FSTL5: variants seen among roughly 807,000 people sequenced by gnomAD.
FSTL5 encodes the protein follistatin like 5.
A neutral mutation model predicts 89.1 loss-of-function variants in FSTL5; 62 were observed. The ratio of observed to expected loss-of-function variants is 0.70; its 90% CI spans 0.57 to 0.86. The LOEUF (loss-of-function observed/expected upper bound fraction) is 0.86, where lower values mean the gene tolerates loss of function less well. Among genes scored for constraint, FSTL5 ranks in the 40% least tolerant of loss-of-function variants. The pLI is 0.00. For missense variants in FSTL5, 1,057 were observed against 1,001.6 expected, an observed-to-expected ratio of 1.06 and a Z score of -0.75; for synonymous variants, 383 against 346.2, an observed-to-expected ratio of 1.11 and a Z score of -1.18.
chr4:161,792,630 C>T (rs1009376123), intron 4 of FSTL5, among the ~76,000 whole-genome samples: 5 of 152,068 alleles, frequency 3.3e-5, no homozygotes, highest in Non-Finnish European at 5.9e-5. Context: ...GAAGGGAGGC[C>T]GGCCTACATA....
intron 4 of FSTL5, among the ~76,000 whole-genome samples, chr4:161,844,864 T>C (rs1731317920): frequency 6.6e-6 from 1 of 151,956 alleles, no homozygotes; most frequent in African/African-American, 2.4e-5. Context: ...TAAACAACCA[T>C]GGCATTTGTA....
intron 10 of FSTL5, among the ~76,000 whole-genome samples, chr4:161,537,624 A>T (rs998056849): frequency 1.3e-5 from 2 of 152,192 alleles, no homozygotes; most frequent in African/African-American, 4.8e-5. Flanking sequence ...ATGAACCATG[A>T]TGGCAAAGGA....
chr4:161,555,775 G>A lies in FSTL5; in HGVS notation c.1016-13082C>T, dbSNP rs1423818747. ...GCATGAGTCAGCAAGCAAAGGTTTG[G>A]TGTCTACTCACATGTTTTGTTGTTT... On this transcript the variant is annotated intron_variant, in intron 8 of 15. Transcript: ENST00000306100. Among the ~76,000 whole-genome samples the A allele has an allele frequency of 2.0e-5, 3 of 151,564 alleles. No individual in the cohort carries two copies. The East Asian group carries it at 5.8e-4, about 29-fold the overall frequency.
intron 7 of FSTL5, among the ~76,000 whole-genome samples, chr4:161,616,987 G>T (rs1320069947): frequency 1.1e-4 from 16 of 150,548 alleles, no homozygotes. Context: ...AGGAGAAAAA[G>T]AACAAAATAT....
At chr4:161,900,231 C>T (rs910737066) in intron 4 of FSTL5, among the ~76,000 whole-genome samples, 15 of 151,626 alleles carry the variant, frequency 9.9e-5, no homozygotes, top group Admixed American at 6.6e-4. Context: ...CTTAGTTTTA[C>T]ACAGTAGCTG....
At chr4:162,005,774 C>T (rs929612103) in intron 3 of FSTL5, among the ~76,000 whole-genome samples, 1 of 152,106 alleles carries the variant, frequency 6.6e-6, no homozygotes, top group African/African-American at 2.4e-5. Context: ...AGTATGGACA[C>T]TATGGGATAA....
chr4:161,919,740 T>C (rs1560916767), intron 4 of FSTL5, among the ~76,000 whole-genome samples: 1 of 152,166 alleles, frequency 6.6e-6, no homozygotes, highest in Non-Finnish European at 1.5e-5. Flanking sequence ...AATAAATGTA[T>C]AAAAACTGAA....
intron 15 of FSTL5, among the ~76,000 whole-genome samples, chr4:161,425,381 ATGGGTG>A (rs1732135068): frequency 6.6e-6 from 1 of 152,162 alleles, no homozygotes; most frequent in Non-Finnish European, 1.5e-5. Flanking sequence ...TCCAAAGAAT[ATGGGTG>A]TGTCTGTCTC....
At chr4:161,900,638 C>CAAAAAAAAAAAAAAAAAAAAAAAA (rs58702301) in intron 4 of FSTL5, among the ~76,000 whole-genome samples, 1 of 65,296 alleles carries the variant, frequency 1.5e-5, no homozygotes, top group African/African-American at 6.4e-5. Flanking sequence ...GACTCCATCT[C>CAAAAAAAAAAAAAAAAAAAAAAAA]AAAAAAAAAA....
chr4:162,046,833 AAT>A (rs1415745078), intron 2 of FSTL5, among the ~76,000 whole-genome samples: 2 of 152,256 alleles, frequency 1.3e-5, no homozygotes, highest in Non-Finnish European at 2.9e-5. Context: ...TTCCTTCTAT[AAT>A]ATGTTTATCC....
intron 7 of FSTL5, among the ~76,000 whole-genome samples, chr4:161,622,226 A>C (rs913699656): frequency 6.6e-6 from 1 of 152,104 alleles, no homozygotes; most frequent in Non-Finnish European, 1.5e-5. Context: ...TTTATCTCTT[A>C]AATAAATTGT....
intron 15 of FSTL5, among the ~76,000 whole-genome samples, chr4:161,424,513 T>C (rs542761697): frequency 1.5e-5 from 2 of 129,204 alleles, no homozygotes; most frequent in East Asian, 2.5e-4. Flanking sequence ...AGCTTACATC[T>C]CCTTTTCCTC....
chr4:162,065,124 C>T (rs913155812), intron 2 of FSTL5, among the ~76,000 whole-genome samples: 1 of 151,890 alleles, frequency 6.6e-6, no homozygotes, highest in African/African-American at 2.4e-5. Context: ...TAAAGACTTA[C>T]ATATAAGATC....
chr4:161,494,846 GC>G (rs1349755317), intron 12 of FSTL5, among the ~76,000 whole-genome samples: 1 of 152,054 alleles, frequency 6.6e-6, no homozygotes, highest in Non-Finnish European at 1.5e-5. Context: ...AATCTCTTGA[GC>G]CCAGGAATTA....
At chr4:161,389,948 T>C (rs990306507) in intron 15 of FSTL5, among the ~76,000 whole-genome samples, 1 of 152,150 alleles carries the variant, frequency 6.6e-6, no homozygotes, top group Non-Finnish European at 1.5e-5. Flanking sequence ...AAATAAATAG[T>C]GTTACCCAAG....
rs141899312 is a variant in FSTL5, at chr4:162,038,799, C to T, written c.127-5141G>A. Reference sequence around the variant, plus strand: ...AATTTACCTATTTCCTTCCTTCTCACTGAGAAGCAAATGCTCTCTGGAAAG... The same window carrying T: ...AATTTACCTATTTCCTTCCTTCTCATTGAGAAGCAAATGCTCTCTGGAAAG... On this transcript the variant is annotated intron_variant, in intron 2 of 15. Coordinates refer to ENST00000306100, the MANE Select transcript of FSTL5 (RefSeq NM_020116.5). Among the ~76,000 whole-genome samples, 157 of 151,952 alleles carry T rather than the reference C, an allele frequency of 1.0e-3. 2 individuals carry two copies. The highest frequency in any genetic ancestry group is 3.4e-3 in the Middle Eastern group (1 of 294).
chr4:161,590,811 C>A (rs932080599), intron 7 of FSTL5, among the ~76,000 whole-genome samples: 1 of 152,142 alleles, frequency 6.6e-6, no homozygotes, highest in Non-Finnish European at 1.5e-5. Flanking sequence ...TTAAATGGTG[C>A]CTCTGCTTTG....
intron 4 of FSTL5, among the ~76,000 whole-genome samples, chr4:161,853,511 A>ACCTGCCTCGG (rs1464653953): frequency 2.0e-5 from 3 of 150,684 alleles, no homozygotes; most frequent in African/African-American, 7.3e-5. Context: ...CAGGTGATAC[A>ACCTGCCTCGG]CCTGCCTCGG....
At chr4:161,912,418 C>CT (rs1355229868) in intron 4 of FSTL5, among the ~76,000 whole-genome samples, 1 of 152,156 alleles carries the variant, frequency 6.6e-6, no homozygotes, top group Non-Finnish European at 1.5e-5. Context: ...GGGGGCCAGT[C>CT]TTTCCTGTGC....
Sources: gnomAD v4.1 joint callset for allele counts (sites outside exome capture counted in the v4.1 genomes callset) on GRCh38, gnomAD v4.1.1 for gene constraint, MANE v1.5 for transcripts, NCBI Gene and HGNC (gene_info 2026-07-23, HGNC 2026-07-21) for gene names.